Variants in SEMA6D observed in about 807,000 individuals in gnomAD.
SEMA6D encodes the protein semaphorin-6D.
A neutral mutation model predicts 106.6 loss-of-function variants in SEMA6D; 35 were observed. The observed-to-expected ratio is 0.33, with a 90% confidence interval of 0.25 to 0.44. The LOEUF is 0.44. SEMA6D is among the 20% of genes least tolerant of loss of function. The pLI, the probability that SEMA6D is intolerant of heterozygous loss-of-function variation, is 1.00. For missense variants in SEMA6D, 1,185 were observed against 1,345.9 expected (o/e 0.88, Z 1.87); for synonymous variants, 499 against 487.7 (o/e 1.02, Z -0.31).
intron 17 of SEMA6D, among the ~76,000 whole-genome samples, chr15:47,768,193 T>C (rs2147910881): frequency 6.6e-6 from 1 of 152,324 alleles, no homozygotes; most frequent in South Asian, 2.1e-4. Context: ...ATAGATTTTC[T>C]AACCATCTGT....
intron 4 of SEMA6D, among the ~76,000 whole-genome samples, chr15:47,667,309 G>C (rs1157133017): frequency 6.6e-6 from 1 of 152,168 alleles, no homozygotes; most frequent in African/African-American, 2.4e-5. Context: ...CATAACACTA[G>C]GAGTAAGTAC....
intron 13 of SEMA6D, 68 bp from the exon 14 acceptor site, chr15:47,765,801 G>A (rs1239702672): frequency 2.3e-5 from 32 of 1,385,252 alleles, no homozygotes; most frequent in Non-Finnish European, 3.0e-5. Context: ...CCAGGTCTCA[G>A]TAATTGCTAA....
chr15:47,459,636 CA>C (rs1406958006), intron 2 of SEMA6D, among the ~76,000 whole-genome samples: 2 of 151,902 alleles, frequency 1.3e-5, no homozygotes, highest in African/African-American at 4.8e-5. Flanking sequence ...GAGGTGTTTA[CA>C]ATATCCATAA....
At chr15:47,630,608 G>A (rs1280993208) in intron 4 of SEMA6D, among the ~76,000 whole-genome samples, 1 of 151,570 alleles carries the variant, frequency 6.6e-6, no homozygotes, top group Admixed American at 6.6e-5. Flanking sequence ...CCTTATTGAA[G>A]TGACTAAGAC....
At chr15:47,216,315 A>G (rs1435654968) in intron 1 of SEMA6D, among the ~76,000 whole-genome samples, 1 of 152,050 alleles carries the variant, frequency 6.6e-6, no homozygotes, top group Non-Finnish European at 1.5e-5. Context: ...TGTGTAATCT[A>G]TGTTAACTCA....
chr15:47,294,228 ATC>A lies in SEMA6D; in HGVS notation c.-239+109822_-239+109823del, dbSNP rs111499790. Among the ~76,000 whole-genome samples the A allele has an allele frequency of 2.5e-4, 38 of 151,276 alleles. No homozygotes were observed. In the East Asian group the frequency reaches 6.8e-3, roughly 27 times the overall value. ...TTTGTGACAATGCTAGTTTATTTAA[ATC>A]TCTCTCTCTCTTTTTTTTTTCTTGG... On this transcript the variant is annotated intron_variant, in intron 1 of 19. Coordinates refer to the SEMA6D transcript ENST00000558014.
At chr15:47,305,594 G>T (rs2036201847) in intron 1 of SEMA6D, among the ~76,000 whole-genome samples, 1 of 152,144 alleles carries the variant, frequency 6.6e-6, no homozygotes, top group African/African-American at 2.4e-5. Context: ...CTAAATTTTT[G>T]CATTTTTATA....
chr15:47,540,540 C>T (rs1171502390), intron 3 of SEMA6D, among the ~76,000 whole-genome samples: 2 of 152,110 alleles, frequency 1.3e-5, no homozygotes, highest in Non-Finnish European at 2.9e-5. Context: ...GTAACGCAGG[C>T]AGGCTGTTCT....
At chr15:47,765,657 C>G (rs2082298397) in intron 13 of SEMA6D, among the ~76,000 whole-genome samples, 1 of 152,152 alleles carries the variant, frequency 6.6e-6, no homozygotes. Flanking sequence ...AACAGGAAAG[C>G]AATGTTTAAA....
At chr15:47,576,621 TA>T (rs1163511182) in intron 3 of SEMA6D, among the ~76,000 whole-genome samples, 1 of 152,212 alleles carries the variant, frequency 6.6e-6, no homozygotes, top group African/African-American at 2.4e-5. Context: ...CTGGCAAATC[TA>T]GGATTGAATT....
At chr15:47,725,462 CA>C (rs1433315541) in intron 1 of SEMA6D, among the ~76,000 whole-genome samples, 1 of 152,078 alleles carries the variant, frequency 6.6e-6, no homozygotes, top group African/African-American at 2.4e-5. Context: ...TTAAGGTTCC[CA>C]GGGGGAATCA....
At chr15:47,323,056 AT>A (rs2036986395) in intron 1 of SEMA6D, among the ~76,000 whole-genome samples, 1 of 152,130 alleles carries the variant, frequency 6.6e-6, no homozygotes. Flanking sequence ...AACTCATATC[AT>A]TTACTAGACT....
intron 1 of SEMA6D, among the ~76,000 whole-genome samples, chr15:47,395,385 G>A (rs1406229112): frequency 2.0e-5 from 3 of 152,172 alleles, no homozygotes; most frequent in Non-Finnish European, 4.4e-5. Context: ...TAATCCTATG[G>A]AACAGAGCAA....
intron 1 of SEMA6D, among the ~76,000 whole-genome samples, chr15:47,201,031 C>G (rs1894692919): frequency 1.3e-5 from 2 of 152,124 alleles, no homozygotes; most frequent in Non-Finnish European, 2.9e-5. Context: ...TGGTCTCTGT[C>G]TTTTTAGAGC....
intron 3 of SEMA6D, among the ~76,000 whole-genome samples, chr15:47,508,116 A>G (rs1381085122): frequency 6.6e-6 from 1 of 152,226 alleles, no homozygotes; most frequent in Non-Finnish European, 1.5e-5. Flanking sequence ...GAGAGATTAG[A>G]AAGCTACAAA....
At chr15:47,709,226 C>T (rs1486344612) in intron 4 of SEMA6D, among the ~76,000 whole-genome samples, 1 of 152,122 alleles carries the variant, frequency 6.6e-6, no homozygotes, top group Non-Finnish European at 1.5e-5. Flanking sequence ...GTCCTCTCTA[C>T]AGTCTTCATA....
At chr15:47,668,585 G>A (rs2078075419) in intron 4 of SEMA6D, among the ~76,000 whole-genome samples, 3 of 152,274 alleles carry the variant, frequency 2.0e-5, no homozygotes, top group Admixed American at 6.5e-5. Context: ...CCAAAGGCAT[G>A]CCTGAACCTA....
chr15:47,740,215 T>C (rs1169350753), intron 1 of SEMA6D, among the ~76,000 whole-genome samples: 2 of 152,046 alleles, frequency 1.3e-5, no homozygotes, highest in Non-Finnish European at 2.9e-5. Context: ...TTGTTGATAG[T>C]TGAAAATAGA....
At chr15:47,543,931 G>A (rs2045438805) in intron 3 of SEMA6D, among the ~76,000 whole-genome samples, 1 of 152,150 alleles carries the variant, frequency 6.6e-6, no homozygotes, top group African/African-American at 2.4e-5. Context: ...TGCTAGACCA[G>A]AGTGAACTTC....
Sources: allele counts gnomAD v4.1 joint callset (sites outside exome capture counted in the v4.1 genomes callset), GRCh38; gene constraint gnomAD v4.1.1; transcripts MANE v1.5; gene names NCBI Gene and HGNC (gene_info 2026-07-23, HGNC 2026-07-21).